F8: variants seen among roughly 807,000 people sequenced by gnomAD.
F8 encodes coagulation factor VIII, also known as antihemophilic factor.
Under a neutral mutation model 140.6 loss-of-function variants are expected in F8, and 12 were observed. That is an observed-to-expected ratio of 0.09 (90% CI 0.05 to 0.14). The LOEUF is 0.14. F8 is among the 10% of genes least tolerant of loss of function. The pLI is 1.00. For synonymous variants in F8, 585 were observed against 614.6 expected (o/e 0.95, Z 0.71); for missense variants, 1,354 against 1,720.7 (o/e 0.79, Z 3.77).
chrX:154,845,882 G>A (rs1557271717), intron 25 of F8, among the ~76,000 whole-genome samples: 1 of 112,016 alleles, frequency 8.9e-6, no homozygotes, highest in East Asian at 2.8e-4. Flanking sequence ...AAATTGTGAT[G>A]TTAGGGTGTC....
At position 154,931,213 on chromosome X, in the gene F8, C is replaced by A. The variant is rs1557278805; in HGVS notation, c.2577G>T (p.Gln859His). ...ATACCATGTCCCCACTGTGATGGAG[C>A]TGTGGCCTGAAGTGTGTCATTTCAG... ...SLSEMTHFRP[Q>H]LHHSGDMVFT... is the part of the protein sequence containing the mutation. The change falls in exon 14 of 26, where the codon CAG becomes CAT. Residue 859 changes from glutamine to histidine, a missense_variant. Around this residue, in one of 4 missense-constraint regions of F8, gnomAD observed 658 missense variants for 666.5 expected, o/e 0.99. Transcript: ENST00000360256. The A allele has an allele frequency of 1.7e-6, 2 of 1,208,616 alleles. No homozygotes were observed. Among genetic ancestry groups the A allele is most frequent in the African/African-American group, 1.8e-5 (1 of 57,074 alleles).
intron 14 of F8, among the ~76,000 whole-genome samples, chrX:154,922,586 T>C (rs1263280051): frequency 8.9e-6 from 1 of 112,300 alleles, no homozygotes; most frequent in African/African-American, 3.2e-5. Flanking sequence ...AATATTTACA[T>C]ACAGTGTTCA....
At chrX:154,907,719 C>A (rs781812751) in intron 14 of F8, among the ~76,000 whole-genome samples, 3 of 111,798 alleles carry the variant, frequency 2.7e-5, no homozygotes, top group African/African-American at 9.7e-5. Context: ...GCCAAGTTTT[C>A]TCTTGGATAA....
At chrX:154,969,029 G>A (rs1008344177) in intron 7 of F8, among the ~76,000 whole-genome samples, 2 of 110,402 alleles carry the variant, frequency 1.8e-5, no homozygotes, top group Non-Finnish European at 3.8e-5. Context: ...ATAAGGCTGA[G>A]AAACCAAGGG....
intron 6 of F8, among the ~76,000 whole-genome samples, chrX:154,975,745 G>T (rs1419210578): frequency 8.9e-6 from 1 of 112,284 alleles, no homozygotes; most frequent in East Asian, 2.8e-4. Flanking sequence ...TGGTGCAAAA[G>T]TAATTGTAGT....
chrX:154,846,422 C>A (rs2072566675), intron 25 of F8, among the ~76,000 whole-genome samples: 1 of 111,453 alleles, frequency 9.0e-6, no homozygotes, highest in African/African-American at 3.3e-5. Flanking sequence ...GAGTCTAAGT[C>A]TCTTTGTAGG....
chrX:154,846,601 C>A (rs1363850905), intron 25 of F8, among the ~76,000 whole-genome samples: 3 of 111,556 alleles, frequency 2.7e-5, no homozygotes, highest in African/African-American at 9.8e-5. Context: ...AGGATTGCAA[C>A]CCCTGCTTTT....
At chrX:154,863,300 T>C in intron 22 of F8, 73 bp from the exon 23 acceptor site, 1 of 994,495 alleles carries the variant, frequency 1.0e-6, no homozygotes, top group Non-Finnish European at 1.4e-6. Context: ...CAATCATATC[T>C]TCCTTCTAAT....
intron 22 of F8, among the ~76,000 whole-genome samples, chrX:154,864,744 C>G (rs181530757): frequency 1.8e-5 from 2 of 111,052 alleles, no homozygotes; most frequent in Non-Finnish European, 3.8e-5. Context: ...CTCAATCATT[C>G]AGAAGAAAGA....
chrX:154,898,896 A>G (rs1339739252), intron 21 of F8, among the ~76,000 whole-genome samples: 1 of 111,811 alleles, frequency 8.9e-6, no homozygotes, highest in Non-Finnish European at 1.9e-5. Context: ...AGGACACTCT[A>G]TTTACTAGTC....
Position 154,862,951 on chromosome X carries a change from A to G in F8, c.6574+132T>C, listed in dbSNP as rs1557272957. 5 of 673,809 alleles carry G rather than the reference A, an allele frequency of 7.4e-6. No individual in the cohort carries two copies. In the African/African-American group the frequency reaches 8.5e-5, roughly 12 times the overall value. The allele number at this position is 673,809 out of a possible 1,213,427, so 55.5% of individuals were successfully genotyped here. On this transcript the variant is annotated intron_variant, in intron 23 of 25. Transcript: ENST00000360256. Reference sequence around the variant, plus strand: ...GGTATTTCTGGGTTTGCCCAGGACTATGCTGGTTTTAGCACTGACAATTTT... The same window carrying G: ...GGTATTTCTGGGTTTGCCCAGGACTGTGCTGGTTTTAGCACTGACAATTTT...
chrX:154,851,124 T>A (rs1557272122), intron 25 of F8, among the ~76,000 whole-genome samples: 1 of 112,517 alleles, frequency 8.9e-6, no homozygotes, highest in Non-Finnish European at 1.9e-5. Flanking sequence ...TTTGCTATTC[T>A]GGGTATTTCA....
rs1446370707 is a variant in F8 at position 154,860,470 on chromosome X, G to A, written c.6862C>T (p.His2288Tyr). ...TTCTGAAAAAAGAGAGTCCACTGAT[G>A]GCCATCTTGACTGCTGGAGATGAGG... is the stretch of plus-strand genomic sequence containing the variant. ...EFLISSSQDG[H>Y]QWTLFFQNGK... Residue 2288 changes from histidine to tyrosine, a missense_variant, in exon 25 of 26, where the codon CAT (histidine) becomes TAT (tyrosine). His to Tyr is a moderately conservative substitution (Grantham distance 83, BLOSUM62 2). Transcript: ENST00000360256. 9 of 1,211,107 alleles carry A rather than the reference G, an allele frequency of 7.4e-6. No homozygotes were observed. Among genetic ancestry groups the A allele is most frequent in the Non-Finnish European group, 1.0e-5 (9 of 895,148 alleles).
intron 13 of F8, among the ~76,000 whole-genome samples, chrX:154,944,154 C>A (rs781970271): frequency 0.016 from 1,735 of 110,961 alleles, 14 homozygotes; most frequent in Middle Eastern, 0.037. Context: ...GCAACAAAAG[C>A]CAAAATTGAC....
chrX:154,942,365 A>G (rs1451555016), intron 13 of F8, among the ~76,000 whole-genome samples: 1 of 110,325 alleles, frequency 9.1e-6, no homozygotes, highest in Non-Finnish European at 1.9e-5. Context: ...AATACAAACT[A>G]CCATCAGAGA....
intron 4 of F8, among the ~76,000 whole-genome samples, chrX:154,992,239 TAA>T (rs2073591989): frequency 9.0e-6 from 1 of 111,636 alleles, no homozygotes; most frequent in Non-Finnish European, 1.9e-5. Context: ...TGAGAGATAA[TAA>T]GAGACTGTTG....
At position 154,987,303 on chromosome X, in the gene F8, T is replaced by C. The variant is rs141282013; in HGVS notation, c.604A>G (p.Ser202Gly). 2 of 1,206,587 alleles carry C rather than the reference T, an allele frequency of 1.7e-6. No individual in the cohort carries two copies. The highest frequency in any genetic ancestry group is 2.2e-6 in the Non-Finnish European group (2 of 891,007). The change falls in exon 5 of 26, where the codon AGT becomes GGT. Residue 202 changes from serine (S) to glycine (G), a missense_variant and splice_region_variant. Transcript: ENST00000360256. ...IGALLVCREG[S>G]LAKEKTQTLH... Reference sequence around the variant, plus strand: ...GTCTGTGTCTTTTCCTTGGCCAGACTCCCTGAAAAAGAAGTGAGAACATTT... The same window carrying C: ...GTCTGTGTCTTTTCCTTGGCCAGACCCCCTGAAAAAGAAGTGAGAACATTT...
intron 25 of F8, among the ~76,000 whole-genome samples, chrX:154,847,818 G>C (rs782278762): frequency 8.8e-6 from 1 of 113,007 alleles, no homozygotes; most frequent in Non-Finnish European, 1.9e-5. Context: ...GCTTTGTTCC[G>C]TTGCTGGCGA....
chrX:154,954,197 G>A (rs781993169), intron 11 of F8, among the ~76,000 whole-genome samples, 155 bp from the exon 12 acceptor site: 2 of 112,077 alleles, frequency 1.8e-5, no homozygotes, highest in South Asian at 7.4e-4. Context: ...GGGCTTGGGA[G>A]TTGAGGGTGG....
Sources: allele counts gnomAD v4.1 joint callset (sites outside exome capture counted in the v4.1 genomes callset), GRCh38; gene constraint gnomAD v4.1.1; regional missense constraint gnomAD v4.1.1; transcripts MANE v1.5; gene names NCBI Gene and HGNC (gene_info 2026-07-23, HGNC 2026-07-21).